Variants in BCOR observed in about 807,000 individuals in gnomAD.
BCOR encodes the protein BCL-6 corepressor.
A neutral mutation model predicts 86.7 loss-of-function variants in BCOR; 10 were observed. The ratio of observed to expected loss-of-function variants is 0.12; its 90% CI spans 0.07 to 0.20. The LOEUF (loss-of-function observed/expected upper bound fraction) is 0.20. Among genes scored for constraint, BCOR ranks in the 10% least tolerant of loss-of-function variants. The probability of loss-of-function intolerance (pLI) is 1.00; values close to 1 mark genes in which losing one functional copy is unlikely to be tolerated. For synonymous variants in BCOR, 611 were observed against 609.0 expected (o/e 1.00, Z -0.05); for missense variants, 1,259 against 1,452.1 (o/e 0.87, Z 2.16).
intron 1 of BCOR, among the ~76,000 whole-genome samples, chrX:40,108,509 G>A (rs1937237090): frequency 8.8e-6 from 1 of 113,532 alleles, no homozygotes; most frequent in South Asian, 3.5e-4. Flanking sequence ...GGGGTTAGGA[G>A]CCACCCACGC....
intron 1 of BCOR, among the ~76,000 whole-genome samples, chrX:40,116,190 A>G (rs1937390681): frequency 9.0e-6 from 1 of 111,685 alleles, no homozygotes; most frequent in African/African-American, 3.3e-5. Context: ...TAATAATCTC[A>G]TGTCATATAG....
chrX:40,064,192 C>T, intron 7 of BCOR, 144 bp downstream of exon 7: 1 of 947,798 alleles, frequency 1.1e-6, no homozygotes, highest in Non-Finnish European at 1.5e-6. Flanking sequence ...GAGAGGTCCG[C>T]TCCACTGCTG....
intron 6 of BCOR, 54 bp downstream of exon 6, chrX:40,070,919 C>G (rs1016333760): frequency 5.3e-6 from 6 of 1,127,762 alleles, no homozygotes; most frequent in Non-Finnish European, 7.3e-6. Context: ...TTTCTCCAAG[C>G]AGATGCCAAC....
upstream of BCOR, among the ~76,000 whole-genome samples, chrX:40,098,687 T>A (rs908944381): frequency 5.6e-4 from 62 of 110,752 alleles, 1 homozygote; most frequent in African/African-American, 1.9e-3. Flanking sequence ...GTGGCCTGTG[T>A]GCTCCCGTGC....
intron 1 of BCOR, among the ~76,000 whole-genome samples, chrX:40,170,554 G>A (rs1376860962): frequency 3.6e-5 from 4 of 110,959 alleles, no homozygotes; most frequent in Non-Finnish European, 7.6e-5. Flanking sequence ...TCGCCATGTT[G>A]GCCAGGCTGG....
chrX:40,103,863 T>G (rs774184138), intron 1 of BCOR, among the ~76,000 whole-genome samples: 5 of 111,978 alleles, frequency 4.5e-5, no homozygotes, highest in Non-Finnish European at 7.5e-5. Flanking sequence ...CAACCTCCCC[T>G]TAGCGATTTT....
intron 1 of BCOR, among the ~76,000 whole-genome samples, chrX:40,091,387 C>T (rs1057230128): frequency 1.8e-5 from 2 of 111,872 alleles, no homozygotes; most frequent in Non-Finnish European, 3.8e-5. Flanking sequence ...AGGATCTTCT[C>T]CGAGTGGACT....
chrX:40,072,483 G>A lies in BCOR; in HGVS notation c.2863C>T (p.Leu955=), dbSNP rs766898838. The change falls in exon 4 of 15, where the codon CTG becomes TTG. Residue 955 remains leucine, a synonymous_variant. Transcript: ENST00000378444. ...DEAESNDGKV[L]KPKPSKLAKR... is the part of the protein sequence containing the mutation. The stretch of plus-strand genomic sequence containing the variant: ...GCCAGCTTAGATGGCTTCGGTTTCA[G>A]AACTTTGCCATCATTTGATTCAGCC... 1 of 1,211,998 alleles carries A rather than the reference G, an allele frequency of 8.3e-7. No homozygotes were observed. Among genetic ancestry groups the A allele is most frequent in the Non-Finnish European group, 1.1e-6 (1 of 895,562 alleles).
chrX:40,102,905 A>C (rs1200182715), upstream of BCOR, among the ~76,000 whole-genome samples: 1 of 112,868 alleles, frequency 8.9e-6, no homozygotes, highest in African/African-American at 3.2e-5. Flanking sequence ...TTGCCTCGAG[A>C]AGGTCGCAGC....
chrX:40,089,899 A>G (rs923439194), intron 1 of BCOR, among the ~76,000 whole-genome samples: 1 of 112,373 alleles, frequency 8.9e-6, no homozygotes, highest in Non-Finnish European at 1.9e-5. Context: ...GGAAGACGCC[A>G]GCAAGATGTT....
intron 6 of BCOR, 130 bp from the exon 7 acceptor site, chrX:40,064,729 G>C: frequency 1.4e-6 from 1 of 732,005 alleles, no homozygotes; most frequent in Non-Finnish European, 2.0e-6. Flanking sequence ...TTGGAGACTG[G>C]GGTCCTCACA....
At chrX:40,138,172 G>A (rs776744823) in intron 1 of BCOR, among the ~76,000 whole-genome samples, 1 of 111,645 alleles carries the variant, frequency 9.0e-6, no homozygotes, top group African/African-American at 3.3e-5. Flanking sequence ...GGCTGGTCTC[G>A]AACTCCCGAC....
Position 40,063,062 on chromosome X carries a change from A to G in BCOR, c.3857T>C (p.Val1286Ala), listed in dbSNP as rs1455207399. 3 of 1,060,053 alleles carry G rather than the reference A, an allele frequency of 2.8e-6. No homozygotes were observed. Among genetic ancestry groups the G allele is most frequent in the Non-Finnish European group, 3.7e-6 (3 of 810,486 alleles). 87.4% of individuals were successfully genotyped at this position (1,060,053 alleles called of 1,213,427 possible). Residue 1286 changes from valine (V) to alanine (A), a missense_variant, in exon 9 of 15, where the codon GTG becomes GCG. By Grantham distance (64) the Val-to-Ala change is moderately conservative. Coordinates refer to ENST00000378444, the MANE Select transcript of BCOR (RefSeq NM_001123385.2). The part of the protein sequence containing the change: ...KPSDNEQGLP[V>A]FSGSPPMKSL... ...CTTCATGGGCGGAGAGCCGGAGAAC[A>G]CAGGCAAGCCTAAATACGGAGGGGG...
chrX:40,144,689 C>A (rs1938000676), intron 1 of BCOR, among the ~76,000 whole-genome samples: 1 of 111,797 alleles, frequency 8.9e-6, no homozygotes, highest in Admixed American at 9.5e-5. Context: ...CCACGACTTG[C>A]GCCTGTTTAG....
Position 40,110,667 on chromosome X carries a change from C to CTTTTTT in BCOR, c.-40-32704_-40-32699dup, listed in dbSNP as rs546960508. On this transcript the variant is annotated intron_variant, in intron 1 of 14. Transcript: ENST00000342274. ...TTCTTTTTTTTCTTTTTTCCTTTTT[C>CTTTTTT]TTTTTTTTTTTTTTTTTTTTTTTTT... 2.7e-4 allele frequency among the ~76,000 whole-genome samples: 8 copies of CTTTTTT among 29,547 alleles called. 1 individual carries two copies. Among genetic ancestry groups the CTTTTTT allele is most frequent in the Non-Finnish European group, 3.4e-4 (5 of 14,553 alleles). The allele number at this position is 29,547 out of a possible 115,157, so 25.7% of individuals were successfully genotyped here.
intron 1 of BCOR, among the ~76,000 whole-genome samples, chrX:40,094,527 C>G (rs770395352): frequency 4.4e-5 from 5 of 113,258 alleles, no homozygotes. Context: ...CACAGCTCCG[C>G]GCGCTGGGCA....
chrX:40,172,055 C>A (rs1420550290), intron 1 of BCOR, among the ~76,000 whole-genome samples: 1 of 112,795 alleles, frequency 8.9e-6, no homozygotes, highest in Non-Finnish European at 1.9e-5. Context: ...CGCTGCCCAG[C>A]CCAGCCGCGG....
At position 40,058,120 on chromosome X, in the gene BCOR, C is replaced by T. The variant is rs368497169; in HGVS notation, c.4429-799G>A. ...TACGCATTTCAAGAACTAAGTAAGACAATCCTTCCCTTCCCCCTTTGCAGA... is the reference window on the plus strand; with the variant it reads ...TACGCATTTCAAGAACTAAGTAAGATAATCCTTCCCTTCCCCCTTTGCAGA... On this transcript the variant is annotated intron_variant, in intron 10 of 14. Coordinates refer to ENST00000378444, the MANE Select transcript of BCOR (RefSeq NM_001123385.2). Among the ~76,000 whole-genome samples the T allele has an allele frequency of 5.3e-5, 6 of 112,638 alleles. No individual in the cohort carries two copies. The East Asian group carries it at 1.1e-3, about 21-fold the overall frequency.
chrX:40,063,659 C>T lies in BCOR; in HGVS notation c.3796G>A (p.Gly1266Ser), dbSNP rs1233395500. 2 of 1,210,402 alleles carry T rather than the reference C, an allele frequency of 1.7e-6. No homozygotes were observed. The highest frequency in any genetic ancestry group is 1.7e-5 in the African/African-American group (1 of 57,283). ...GACTCTTCCGACCAGCTTCTGTTGC[C>T]TTTGGCCTCTGCCCTTTTCCTGCCA... is the stretch of plus-strand genomic sequence containing the variant. Reference protein sequence around the residue: ...KPGRKRAEAKGNRSWSEESLK... With the variant: ...KPGRKRAEAKSNRSWSEESLK... Residue 1266 changes from glycine to serine, a missense_variant, in exon 8 of 15, where the codon GGC becomes AGC. Transcript: ENST00000378444.
Sources: allele counts gnomAD v4.1 joint callset (sites outside exome capture counted in the v4.1 genomes callset), GRCh38; gene constraint gnomAD v4.1.1; transcripts MANE v1.5; gene names NCBI Gene and HGNC (gene_info 2026-07-23, HGNC 2026-07-21).